The following POLI variants were observed in gnomAD, a reference collection of about 807,000 sequenced individuals.
POLI encodes DNA polymerase iota, also known as RAD30 homolog B.
A neutral mutation model predicts 51.6 loss-of-function variants in POLI; 58 were observed. The observed-to-expected ratio is 1.12, with a 90% CI of 0.91 to 1.40. The LOEUF (loss-of-function observed/expected upper bound fraction) is 1.40, where lower values mean the gene tolerates loss of function less well. POLI is among the 40% of genes most tolerant of loss of function. The pLI, the probability that POLI is intolerant of heterozygous loss-of-function variation, is 0.00. For synonymous variants in POLI, 322 were observed against 299.7 expected (o/e 1.07, Z -0.77); for missense variants, 921 against 871.3 (o/e 1.06, Z -0.72).
At chr18:54,285,534 G>A (rs2087707013) in intron 7 of POLI, among the ~76,000 whole-genome samples, 1 of 151,122 alleles carries the variant, frequency 6.6e-6, no homozygotes, top group African/African-American at 2.4e-5. Flanking sequence ...GTGTGTGTGT[G>A]TGTGTGTGTG....
intron 3 of POLI, among the ~76,000 whole-genome samples, chr18:54,314,318 A>G (rs1046181378): frequency 2.0e-5 from 3 of 152,192 alleles, no homozygotes. Context: ...CCCAGGAAGA[A>G]AGCCTATTTG....
intron 8 of POLI, 31 bp downstream of exon 8, chr18:54,287,442 G>A (rs1457905253): frequency 6.3e-7 from 1 of 1,585,522 alleles, no homozygotes; most frequent in South Asian, 1.1e-5. Flanking sequence ...AGTTTCATTA[G>A]CAGGTTGAAC....
chr18:54,313,281 G>A (rs961679518), intron 3 of POLI, among the ~76,000 whole-genome samples: 1 of 152,112 alleles, frequency 6.6e-6, no homozygotes, highest in African/African-American at 2.4e-5. Flanking sequence ...TTATTTCTGA[G>A]TTCTTTTACT....
chr18:54,298,133 A>T lies in POLI; in HGVS notation c.*3666A>T. ...AATATTAAAAAAACTTCTATTTTAA[A>T]ATCTGTATATAGAAAGGTACATAAA... On this transcript the variant is annotated 3_prime_UTR_variant, in exon 10 of 10. Coordinates refer to ENST00000579534, the MANE Select transcript of POLI (RefSeq NM_007195.3). The T allele has an allele frequency of 1.2e-6, 1 of 811,824 alleles. No individual in the cohort carries two copies. The highest frequency in any genetic ancestry group is 1.5e-6 in the Non-Finnish European group (1 of 671,488). The allele number at this position is 811,824 out of a possible 1,614,324, so 50.3% of individuals were successfully genotyped here. A position where few individuals can be genotyped will look rare whatever the true frequency, so the allele number is the denominator to read the frequency against.
At chr18:54,312,930 T>C (rs578187711) in intron 3 of POLI, among the ~76,000 whole-genome samples, 33 of 152,352 alleles carry the variant, frequency 2.2e-4, no homozygotes, top group African/African-American at 7.9e-4. Flanking sequence ...TAGTTTCTCT[T>C]GCTGTGCAGA....
chr18:54,318,443 A>G (rs988910739), intron 3 of POLI, among the ~76,000 whole-genome samples: 1 of 152,178 alleles, frequency 6.6e-6, no homozygotes, highest in Non-Finnish European at 1.5e-5. Context: ...CATATTTCAA[A>G]TAGTCTTGAT....
At chr18:54,272,682 G>A (rs2144442118) in intron 2 of POLI, among the ~76,000 whole-genome samples, 1 of 151,084 alleles carries the variant, frequency 6.6e-6, no homozygotes, top group East Asian at 1.9e-4. Context: ...ATGTTGCCCT[G>A]GGTGGTCTCG....
Position 54,294,739 on chromosome 18 carries a change from C to G in POLI, c.*272C>G. 2 of 1,028,450 alleles carry G rather than the reference C, an allele frequency of 1.9e-6. No individual in the cohort carries two copies. Among genetic ancestry groups the G allele is most frequent in the Non-Finnish European group, 2.3e-6 (2 of 852,512 alleles). The allele number at this position is 1,028,450 out of a possible 1,614,324, so 63.7% of individuals were successfully genotyped here. ...ATCATGGTCAACATAGAATATTTTT[C>G]ATGAATTGGTGGGGAGATGTATATG... On this transcript the variant is annotated 3_prime_UTR_variant, in exon 10 of 10. Coordinates refer to ENST00000579534, the MANE Select transcript of POLI (RefSeq NM_007195.3).
chr18:54,269,923 AG>A, intron 1 of POLI: 1 of 1,202,568 alleles, frequency 8.3e-7, no homozygotes. Flanking sequence ...TTCCTCTGTG[AG>A]GGGCGAGGTG....
intron 2 of POLI, 89 bp downstream of exon 2, chr18:54,271,574 T>A: frequency 1.0e-6 from 1 of 960,930 alleles, no homozygotes; most frequent in Non-Finnish European, 1.5e-6. Flanking sequence ...TTAACCTTAT[T>A]AAGAAAGATT....
intron 3 of POLI, among the ~76,000 whole-genome samples, chr18:54,306,021 G>A (rs572223878): frequency 5.9e-5 from 9 of 152,260 alleles, no homozygotes; most frequent in Admixed American, 2.0e-4. Flanking sequence ...GCCTCCCAAA[G>A]TGCTGGGATT....
At chr18:54,287,259 TC>T (rs758726412) in intron 7 of POLI, 21 bp from the exon 8 acceptor site, 7 of 1,503,948 alleles carry the variant, frequency 4.7e-6, no homozygotes, top group Non-Finnish European at 6.3e-6. Context: ...ATTCCTTATT[TC>T]CACTTTCTCT....
Position 54,294,451 on chromosome 18 carries a change from A to T in POLI, c.2207A>T (p.His736Leu). The T allele has an allele frequency of 6.3e-7, 1 of 1,596,850 alleles. No individual in the cohort carries two copies. Among genetic ancestry groups the T allele is most frequent in the Non-Finnish European group, 8.5e-7 (1 of 1,173,316 alleles). The change falls in exon 10 of 10, where the codon CAC (histidine) becomes CTC (leucine). Residue 736 changes from histidine (H) to leucine (L), a missense_variant. By Grantham distance (99) the His-to-Leu change is moderately conservative (BLOSUM62 -3). Coordinates refer to ENST00000579534, the MANE Select transcript of POLI (RefSeq NM_007195.3). Reference sequence around the variant, plus strand: ...TGGAAGAGAGCAGGATCAGATTTCCACATTGGACATAAATAAGCATATTCA... The same window carrying T: ...TGGAAGAGAGCAGGATCAGATTTCCTCATTGGACATAAATAAGCATATTCA... Reference protein sequence around the residue: ...AEWKRAGSDFHIGHK With the variant: ...AEWKRAGSDFLIGHK
chr18:54,273,931 C>G lies in POLI; in HGVS notation c.247C>G (p.Gln83Glu). ...TCATAAAATATTTTTTACAGGGGTTCAACAGAAATATTTGGTGGTTACCTG... is the reference window on the plus strand; with the variant it reads ...TCATAAAATATTTTTTACAGGGGTTGAACAGAAATATTTGGTGGTTACCTG... ...PELKDKPLGV[Q>E]QKYLVVTCNY... The change falls in exon 3 of 10, where the codon CAA becomes GAA. Residue 83 changes from glutamine to glutamate, a missense_variant. By Grantham distance (29) the Gln-to-Glu change is conservative. Coordinates refer to ENST00000579534, the MANE Select transcript of POLI (RefSeq NM_007195.3). 6.6e-7 allele frequency: 1 copy of G among 1,516,190 alleles called. No homozygotes were observed. The highest frequency in any genetic ancestry group is 8.8e-7 in the Non-Finnish European group (1 of 1,130,900). 93.9% of individuals were successfully genotyped at this position (1,516,190 alleles called of 1,614,324 possible). A position where few individuals can be genotyped will look rare whatever the true frequency, so the allele number is the denominator to read the frequency against.
At position 54,269,579 on chromosome 18, in the gene POLI, A is replaced by C; in HGVS notation, c.33A>C (p.Glu11Asp). 1 of 1,422,014 alleles carries C rather than the reference A, an allele frequency of 7.0e-7. No homozygotes were observed. The highest frequency in any genetic ancestry group is 9.1e-7 in the Non-Finnish European group (1 of 1,100,960). 88.1% of individuals were successfully genotyped at this position (1,422,014 alleles called of 1,614,324 possible). A position where few individuals can be genotyped will look rare whatever the true frequency, so the allele number is the denominator to read the frequency against. Residue 11 changes from glutamate (E) to aspartate (D), a missense_variant, in exon 1 of 10, where the codon GAA becomes GAC. By Grantham distance (45) the Glu-to-Asp change is conservative (BLOSUM62 2). Coordinates refer to ENST00000579534, the MANE Select transcript of POLI (RefSeq NM_007195.3). ...AGCTGGGGGTGGAGCCGGAGGAGGA[A>C]GGCGGCGGCGACGACGACGAGGAAG... MEKLGVEPEE[E>D]GGGDDDEEDA... is the part of the protein sequence containing the mutation.
intron 3 of POLI, among the ~76,000 whole-genome samples, chr18:54,311,452 A>G (rs1052750083): frequency 1.3e-5 from 2 of 152,246 alleles, no homozygotes; most frequent in Admixed American, 6.5e-5. Flanking sequence ...TATTTGTGTC[A>G]TAGTGGTCAT....
At chr18:54,278,358 A>T (rs1037673526) in intron 4 of POLI, among the ~76,000 whole-genome samples, 1 of 152,214 alleles carries the variant, frequency 6.6e-6, no homozygotes, top group African/African-American at 2.4e-5. Context: ...TGGCTTCTTA[A>T]TATGCTTTTT....
chr18:54,291,943 A>G lies in POLI; in HGVS notation c.1309A>G (p.Asn437Asp), dbSNP rs746476653. 4 of 1,609,148 alleles carry G rather than the reference A, an allele frequency of 2.5e-6. No individual in the cohort carries two copies. Among genetic ancestry groups the G allele is most frequent in the Non-Finnish European group, 3.4e-6 (4 of 1,175,978 alleles). The change falls in exon 9 of 10, where the codon AAC becomes GAC. Residue 437 changes from asparagine (N) to aspartate (D), a missense_variant. Transcript: ENST00000579534. ...TACCCTTCTAAGTGTGTGCTTCTGCAACCTTAAAGCACTAAATACTGCTAA... is the reference window on the plus strand; with the variant it reads ...TACCCTTCTAAGTGTGTGCTTCTGCGACCTTAAAGCACTAAATACTGCTAA... Reference protein sequence around the residue: ...HLTLLSVCFCNLKALNTAKKG... With the variant: ...HLTLLSVCFCDLKALNTAKKG...
Position 54,287,307 on chromosome 18 carries a change from A to T in POLI, c.1094A>T (p.His365Leu). The change falls in exon 8 of 10, where the codon CAT becomes CTT. Residue 365 changes from histidine to leucine, a missense_variant. By Grantham distance (99) the His-to-Leu change is moderately conservative (BLOSUM62 -3). Coordinates refer to ENST00000579534, the MANE Select transcript of POLI (RefSeq NM_007195.3). ...NRVCQDGRKP[H>L]TVRLIIRRYS... Reference sequence around the variant, plus strand: ...GTATGCCAAGATGGAAGGAAGCCTCATACAGTGAGATTAATAATCCGTCGG... The same window carrying T: ...GTATGCCAAGATGGAAGGAAGCCTCTTACAGTGAGATTAATAATCCGTCGG... 1 of 1,583,376 alleles carries T rather than the reference A, an allele frequency of 6.3e-7. No homozygotes were observed. Among genetic ancestry groups the T allele is most frequent in the Non-Finnish European group, 8.6e-7 (1 of 1,160,172 alleles).
Sources: allele counts gnomAD v4.1 joint callset (sites outside exome capture counted in the v4.1 genomes callset), GRCh38; gene constraint gnomAD v4.1.1; transcripts MANE v1.5; gene names NCBI Gene and HGNC (gene_info 2026-07-23, HGNC 2026-07-21).